The following COG5 variants were observed in gnomAD, a reference collection of about 807,000 sequenced individuals.
COG5 encodes the protein component of oligomeric golgi complex 5.
Under a neutral mutation model 110.4 loss-of-function variants are expected in COG5, and 86 were observed. The observed-to-expected ratio is 0.78, with a 90% CI of 0.65 to 0.93. The LOEUF (loss-of-function observed/expected upper bound fraction) is 0.93, where lower values mean the gene tolerates loss of function less well. Among genes scored for constraint, COG5 ranks in the 40% least tolerant of loss-of-function variants. The pLI, the probability that COG5 is intolerant of heterozygous loss-of-function variation, is 0.00. For missense variants in COG5, 1,077 were observed against 987.0 expected, an observed-to-expected ratio of 1.09 and a Z score of -1.22; for synonymous variants, 360 against 334.6, an observed-to-expected ratio of 1.08 and a Z score of -0.83.
intron 6 of COG5, among the ~76,000 whole-genome samples, chr7:107,434,347 A>G (rs1301730324): frequency 6.6e-6 from 1 of 152,186 alleles, no homozygotes; most frequent in Non-Finnish European, 1.5e-5. Flanking sequence ...GGAAAACAAG[A>G]TCTTAAAGGA....
intron 17 of COG5, among the ~76,000 whole-genome samples, chr7:107,240,250 C>T (rs1801510569): frequency 6.6e-6 from 1 of 152,180 alleles, no homozygotes; most frequent in Non-Finnish European, 1.5e-5. Context: ...CTCACTCTGT[C>T]ACTCAGGCTG....
intron 6 of COG5, among the ~76,000 whole-genome samples, chr7:107,465,765 A>T (rs1247278521): frequency 6.6e-6 from 1 of 152,210 alleles, no homozygotes; most frequent in Non-Finnish European, 1.5e-5. Flanking sequence ...AGTTTATAGT[A>T]GAACTACAGC....
chr7:107,367,119 G>A (rs1328280258), intron 8 of COG5, among the ~76,000 whole-genome samples: 1 of 151,840 alleles, frequency 6.6e-6, no homozygotes, highest in East Asian at 1.9e-4. Flanking sequence ...TTCAGTGGGG[G>A]AAGAAAAACA....
chr7:107,511,534 A>G (rs1698847695), intron 6 of COG5, among the ~76,000 whole-genome samples: 2 of 152,196 alleles, frequency 1.3e-5, no homozygotes, highest in African/African-American at 4.8e-5. Flanking sequence ...AATCCTCCCT[A>G]ACTCACTTTA....
At chr7:107,228,776 TAAA>T (rs555581676) in intron 19 of COG5, among the ~76,000 whole-genome samples, 4 of 142,618 alleles carry the variant, frequency 2.8e-5, no homozygotes, top group South Asian at 2.2e-4. Flanking sequence ...GTGTTGCCAT[TAAA>T]AAAAAAAAAA....
chr7:107,362,011 A>C (rs1417416133), intron 10 of COG5, 22 bp downstream of exon 10: 12 of 1,501,358 alleles, frequency 8.0e-6, no homozygotes, highest in Non-Finnish European at 1.1e-5. Flanking sequence ...AAAGATGTAA[A>C]AATATTTTCC....
chr7:107,373,642 T>C (rs552527864), intron 7 of COG5, among the ~76,000 whole-genome samples: 8 of 152,202 alleles, frequency 5.3e-5, no homozygotes, highest in South Asian at 2.1e-4. Context: ...GAGGGAGGTA[T>C]TGAAATATCA....
intron 10 of COG5, among the ~76,000 whole-genome samples, chr7:107,325,885 T>C (rs1017555798): frequency 6.6e-6 from 1 of 152,142 alleles, no homozygotes; most frequent in Non-Finnish European, 1.5e-5. Flanking sequence ...CTGTTAATCA[T>C]AAACAAGGCA....
intron 14 of COG5, among the ~76,000 whole-genome samples, chr7:107,266,245 A>G (rs921788533): frequency 2.0e-5 from 3 of 152,218 alleles, no homozygotes; most frequent in Admixed American, 1.3e-4. Context: ...AATTTTGATA[A>G]TAAATGAAAC....
chr7:107,424,110 T>C (rs1314703185), intron 6 of COG5, among the ~76,000 whole-genome samples: 3 of 151,596 alleles, frequency 2.0e-5, no homozygotes, highest in African/African-American at 7.3e-5. Context: ...CCGTCTCTAC[T>C]TGAATACAAA....
intron 6 of COG5, among the ~76,000 whole-genome samples, chr7:107,461,180 GC>G (rs986262079): frequency 1.3e-5 from 2 of 151,552 alleles, no homozygotes; most frequent in Non-Finnish European, 2.9e-5. Flanking sequence ...GACTACATAG[GC>G]AAAAGATTTT....
rs777851394 is a variant in COG5 at position 107,474,661 on chromosome 7, A to G, written c.538+52576T>C. On this transcript the variant is annotated intron_variant, in intron 6 of 21. Transcript: ENST00000297135. The surrounding 1 kb of genome is among the most constrained non-coding windows in gnomAD (Gnocchi z 5.7). ...CAAGACACTTTTATGTGTCAGTACA[A>G]ATGAATACTACACTGAACTGGGAAT... 21 of 1,609,846 alleles carry G rather than the reference A, an allele frequency of 1.3e-5. No homozygotes were observed. Among genetic ancestry groups the G allele is most frequent in the Non-Finnish European group, 1.7e-5 (20 of 1,176,734 alleles).
intron 6 of COG5, among the ~76,000 whole-genome samples, chr7:107,414,556 C>T (rs183343440): frequency 6.6e-6 from 1 of 152,056 alleles, no homozygotes; most frequent in Non-Finnish European, 1.5e-5. Context: ...GTCAATAGTA[C>T]ACATGGCTAC....
intron 11 of COG5, among the ~76,000 whole-genome samples, chr7:107,323,994 C>T (rs1470004447): frequency 6.6e-6 from 1 of 152,112 alleles, no homozygotes; most frequent in Non-Finnish European, 1.5e-5. Flanking sequence ...ACTTTTAATT[C>T]ACGATGTAGA....
chr7:107,224,585 G>A (rs1319912218), intron 19 of COG5, among the ~76,000 whole-genome samples: 5 of 152,222 alleles, frequency 3.3e-5, no homozygotes, highest in Non-Finnish European at 7.3e-5. Flanking sequence ...CAGGGTCTGT[G>A]CCCCTGAGCT....
chr7:107,385,993 TG>T (rs1554428109), intron 7 of COG5, among the ~76,000 whole-genome samples: 1 of 7,230 alleles, frequency 1.4e-4, no homozygotes, highest in East Asian at 2.9e-3. Context: ...AGGTTTTGTG[TG>T]TGTGTGTGTG....
intron 10 of COG5, among the ~76,000 whole-genome samples, chr7:107,351,695 A>C (rs1198361075): frequency 3.3e-5 from 5 of 152,120 alleles, no homozygotes; most frequent in Non-Finnish European, 7.4e-5. Context: ...ATGCAGCCAA[A>C]AGACACATGA....
chr7:107,252,241 C>A (rs1329668955), intron 16 of COG5, among the ~76,000 whole-genome samples: 1 of 152,020 alleles, frequency 6.6e-6, no homozygotes, highest in Admixed American at 6.6e-5. Context: ...TTAAACAAAC[C>A]AACCACAAAA....
At chr7:107,252,063 A>AAC (rs1802554755) in intron 16 of COG5, among the ~76,000 whole-genome samples, 1 of 152,152 alleles carries the variant, frequency 6.6e-6, no homozygotes, top group Non-Finnish European at 1.5e-5. Context: ...CATCAAAAAG[A>AAC]TAGTTAAGTG....
Sources: allele counts gnomAD v4.1 joint callset (sites outside exome capture counted in the v4.1 genomes callset), GRCh38; gene constraint gnomAD v4.1.1; non-coding constraint Gnocchi (gnomAD v3.1); transcripts MANE v1.5; gene names NCBI Gene and HGNC (gene_info 2026-07-23, HGNC 2026-07-21).